AK9: variants seen among roughly 807,000 people sequenced by gnomAD.
The protein encoded by AK9 is adenylate kinase 9, also known as adenylate kinase domain containing 1.
AK9 carries 191 observed loss-of-function variants against 239.6 expected under a neutral mutation model. That is an observed-to-expected ratio of 0.80 (90% CI 0.71 to 0.90). AK9 has a LOEUF of 0.90. AK9 is among the 40% of genes least tolerant of loss of function. AK9 has a pLI of 0.00. For missense variants in AK9, 1,995 were observed against 2,214.7 expected, an observed-to-expected ratio of 0.90 and a Z score of 1.99; for synonymous variants, 689 against 721.0, an observed-to-expected ratio of 0.96 and a Z score of 0.71.
At chr6:109,611,935 T>G (rs1157345395) in intron 16 of AK9, 75 bp downstream of exon 16, 2 of 1,016,834 alleles carry the variant, frequency 2.0e-6, no homozygotes, top group Non-Finnish European at 2.9e-6. Flanking sequence ...TTTCTTCTTC[T>G]AAATTCTGAG....
intron 8 of AK9, among the ~76,000 whole-genome samples, chr6:109,648,826 G>A (rs909393805): frequency 4.6e-5 from 7 of 152,090 alleles, no homozygotes; most frequent in South Asian, 2.1e-4. Flanking sequence ...GATGAACATC[G>A]ATGCAAAAAT....
In AK9 at chr6:109,585,139, C is replaced by CTT; in HGVS notation, c.2096_2097dup (p.Glu700LysfsTer14). On this transcript the variant is annotated frameshift_variant, in exon 19 of 41. Transcript: ENST00000424296. LOFTEE classifies it high-confidence loss of function. ...AGATTTTACCTTGCTTCTTCTTCTT[C>CTT]TTTTTTTTTCTTTTGTAGTTCTTCT... 4.9e-6 allele frequency: 4 copies of CTT among 821,438 alleles called. No individual in the cohort carries two copies. Among genetic ancestry groups the CTT allele is most frequent in the African/African-American group, 1.8e-5 (1 of 54,210 alleles). The allele number at this position is 821,438 out of a possible 1,614,324, so 50.9% of individuals were successfully genotyped here.
At chr6:109,591,001 T>C (rs923751050) in intron 17 of AK9, among the ~76,000 whole-genome samples, 1 of 152,092 alleles carries the variant, frequency 6.6e-6, no homozygotes, top group Non-Finnish European at 1.5e-5. Context: ...TACAGGTGTA[T>C]GGTAGAATGT....
chr6:109,648,961 C>T (rs949085152), intron 8 of AK9, among the ~76,000 whole-genome samples: 3 of 152,086 alleles, frequency 2.0e-5, no homozygotes, highest in Admixed American at 1.3e-4. Context: ...AAATGTAATC[C>T]AACATATAAA....
At chr6:109,644,591 T>C (rs1403854430) in intron 9 of AK9, 23 bp downstream of exon 9, 4 of 1,576,642 alleles carry the variant, frequency 2.5e-6, no homozygotes, top group Non-Finnish European at 3.4e-6. Flanking sequence ...CTGTGAAGTA[T>C]TCCTGCTTAA....
Position 109,632,858 on chromosome 6 carries a change from TAGACATAG to T in AK9, c.1254+57_1254+64del, listed in dbSNP as rs1199139440. 35 of 953,022 alleles carry T rather than the reference TAGACATAG, an allele frequency of 3.7e-5. No individual in the cohort carries two copies. In the African/African-American group the frequency reaches 6.8e-4, roughly 18 times the overall value. The allele number at this position is 953,022 out of a possible 1,614,324, so 59.0% of individuals were successfully genotyped here. On this transcript the variant is annotated intron_variant, in intron 12 of 40. Transcript: ENST00000424296. Reference sequence around the variant, plus strand: ...TAATCGAGTATAGATACATGACAGATAGACATAGATAGATAGATAGATAGATAGATAGA... The same window carrying T: ...TAATCGAGTATAGATACATGACAGATATAGATAGATAGATAGATAGATAGA...
chr6:109,641,771 C>T (rs1242512460), intron 9 of AK9, among the ~76,000 whole-genome samples, 155 bp from the exon 10 acceptor site: 1 of 152,166 alleles, frequency 6.6e-6, no homozygotes, highest in African/African-American at 2.4e-5. Context: ...TGCTGACAAT[C>T]CTTGGTATGT....
At chr6:109,644,087 G>A (rs1448289808) in intron 9 of AK9, among the ~76,000 whole-genome samples, 1 of 152,160 alleles carries the variant, frequency 6.6e-6, no homozygotes, top group South Asian at 2.1e-4. Flanking sequence ...GGACCCTTCT[G>A]CCTCCTTCCT....
At chr6:109,639,157 G>T (rs1797085246) in intron 10 of AK9, among the ~76,000 whole-genome samples, 1 of 152,142 alleles carries the variant, frequency 6.6e-6, no homozygotes, top group South Asian at 2.1e-4. Context: ...AATCCTTTGG[G>T]TATATACCCA....
At chr6:109,590,705 C>T (rs547033261) in intron 17 of AK9, among the ~76,000 whole-genome samples, 9 of 152,020 alleles carry the variant, frequency 5.9e-5, no homozygotes, top group Non-Finnish European at 1.3e-4. Context: ...ACGTCAAATG[C>T]TTTTGGTATG....
chr6:109,569,228 T>A (rs1787035400), intron 21 of AK9, among the ~76,000 whole-genome samples: 2 of 152,194 alleles, frequency 1.3e-5, no homozygotes, highest in Admixed American at 1.3e-4. Context: ...GCTAGCCATA[T>A]GTAGAAAGCT....
chr6:109,602,214 G>A (rs1340770214), intron 17 of AK9, among the ~76,000 whole-genome samples: 2 of 152,138 alleles, frequency 1.3e-5, no homozygotes, highest in Non-Finnish European at 2.9e-5. Context: ...GCTGGTACTG[G>A]TTGTTCCTTT....
Position 109,497,995 on chromosome 6 carries a change from G to A in AK9, c.5047-30C>T, listed in dbSNP as rs760845599. The A allele has an allele frequency of 6.8e-6, 11 of 1,608,886 alleles. No homozygotes were observed. The East Asian group carries it at 2.5e-4, about 36-fold the overall frequency. On this transcript the variant is annotated intron_variant, in intron 36 of 40. Transcript: ENST00000424296. ...TAAAAAAGAATTCCAGTAGCAACAT[G>A]ATTTAAACCAGAAATGCTATGCCAA...
intron 25 of AK9, 48 bp downstream of exon 25, chr6:109,550,042 C>CA (rs753721914): frequency 2.5e-6 from 4 of 1,580,412 alleles, no homozygotes; most frequent in African/African-American, 2.7e-5. Context: ...TAATCAGTCC[C>CA]AAAAAAATCC....
chr6:109,678,327 A>C (rs1381129174), intron 1 of AK9, among the ~76,000 whole-genome samples: 2 of 152,244 alleles, frequency 1.3e-5, no homozygotes, highest in African/African-American at 4.8e-5. Context: ...CACAGTTTAC[A>C]TATTGTCTTA....
chr6:109,557,629 C>T (rs1451522754), intron 24 of AK9, among the ~76,000 whole-genome samples: 2 of 152,186 alleles, frequency 1.3e-5, no homozygotes, highest in African/African-American at 4.8e-5. Context: ...ACTGCAGTCA[C>T]CCCTCCTCCT....
chr6:109,640,330 A>G (rs1270031065), intron 10 of AK9, among the ~76,000 whole-genome samples: 1 of 152,170 alleles, frequency 6.6e-6, no homozygotes, highest in Non-Finnish European at 1.5e-5. Context: ...TCCCAGGTAC[A>G]GTCTGTCACG....
intron 24 of AK9, among the ~76,000 whole-genome samples, chr6:109,555,849 C>T (rs571527801): frequency 6.6e-6 from 1 of 152,190 alleles, no homozygotes; most frequent in East Asian, 1.9e-4. Context: ...TTTTGGCTTT[C>T]CATTTATTTG....
intron 29 of AK9, chr6:109,528,494 T>C (rs1451703215): frequency 6.7e-6 from 3 of 450,182 alleles, no homozygotes; most frequent in East Asian, 1.4e-4. Flanking sequence ...TATTCTTACA[T>C]GGTGCCATAA....
Sources: gnomAD v4.1 joint callset for allele counts (sites outside exome capture counted in the v4.1 genomes callset) on GRCh38, gnomAD v4.1.1 for gene constraint, MANE v1.5 for transcripts, NCBI Gene and HGNC (gene_info 2026-07-23, HGNC 2026-07-21) for gene names.